Variants in ARID2 observed in about 807,000 individuals in gnomAD.
ARID2 encodes the protein AT-rich interactive domain-containing protein 2.
ARID2 carries 32 observed loss-of-function variants against 184.6 expected under a neutral mutation model. The observed-to-expected ratio is 0.17, with a 90% confidence interval of 0.13 to 0.23. The LOEUF is 0.23. Ranked by LOEUF, ARID2 falls within the 10% of genes least tolerant of loss-of-function variation. The pLI, the probability that ARID2 is intolerant of heterozygous loss-of-function variation, is 1.00. For missense variants in ARID2, 1,696 were observed against 2,197.6 expected, an observed-to-expected ratio of 0.77 and a Z score of 4.56; for synonymous variants, 836 against 772.6, an observed-to-expected ratio of 1.08 and a Z score of -1.36.
intron 3 of ARID2, among the ~76,000 whole-genome samples, chr12:45,806,852 T>C (rs1394352656): frequency 6.6e-6 from 1 of 152,220 alleles, no homozygotes; most frequent in African/African-American, 2.4e-5. Flanking sequence ...CCCTTGGTCT[T>C]TGGACTCATT....
intron 3 of ARID2, among the ~76,000 whole-genome samples, chr12:45,773,002 A>G (rs1941906257): frequency 6.6e-6 from 1 of 152,202 alleles, no homozygotes; most frequent in Non-Finnish European, 1.5e-5. Flanking sequence ...GAAACACCAT[A>G]TGCAACACTG....
In ARID2 at chr12:45,848,981, T is replaced by C. The variant is rs751880272; in HGVS notation, c.1715+11T>C. On this transcript the variant is annotated intron_variant, in intron 13 of 20. Coordinates refer to ENST00000334344, the MANE Select transcript of ARID2 (RefSeq NM_152641.4). ...TTATAAATGTCTTAGGTAGGATCCA[T>C]AGTTCTTTAAATAAAGTCCATTTAC... 4 of 1,605,812 alleles carry C rather than the reference T, an allele frequency of 2.5e-6. No homozygotes were observed. In the Admixed American group the frequency reaches 5.1e-5, roughly 20 times the overall value.
intron 5 of ARID2, 97 bp downstream of exon 5, chr12:45,817,985 G>C (rs1009960094): frequency 6.9e-6 from 6 of 872,230 alleles, no homozygotes; most frequent in Non-Finnish European, 1.0e-5. Context: ...CAACATAATA[G>C]CATTCTTTAT....
chr12:45,762,249 A>T (rs1941697693), intron 3 of ARID2, among the ~76,000 whole-genome samples: 1 of 152,164 alleles, frequency 6.6e-6, no homozygotes, highest in South Asian at 2.1e-4. Context: ...TAATCATAAA[A>T]TGCTGGTATA....
chr12:45,896,170 G>A (rs534121700), intron 20 of ARID2, among the ~76,000 whole-genome samples: 76 of 152,290 alleles, frequency 5.0e-4, no homozygotes, highest in Non-Finnish European at 7.5e-4. Flanking sequence ...GCTCTGCTGC[G>A]GAGATGGTCA....
chr12:45,828,681 A>G (rs748274853), intron 6 of ARID2, among the ~76,000 whole-genome samples: 75 of 152,030 alleles, frequency 4.9e-4, no homozygotes, highest in Non-Finnish European at 8.1e-4. Flanking sequence ...TTGTTACTGT[A>G]GCTTGGTTTT....
intron 15 of ARID2, among the ~76,000 whole-genome samples, chr12:45,860,471 G>A (rs1943724031): frequency 1.3e-5 from 2 of 151,548 alleles, no homozygotes; most frequent in South Asian, 4.2e-4. Context: ...AAATCCAATG[G>A]GTACATTTAT....
At chr12:45,775,723 G>A (rs1012887086) in intron 3 of ARID2, among the ~76,000 whole-genome samples, 5 of 152,126 alleles carry the variant, frequency 3.3e-5, no homozygotes, top group Non-Finnish European at 7.4e-5. Flanking sequence ...TAAAATAAAG[G>A]CATACTGTGT....
At chr12:45,781,313 A>G (rs915841694) in intron 3 of ARID2, among the ~76,000 whole-genome samples, 6 of 84,612 alleles carry the variant, frequency 7.1e-5, no homozygotes, top group South Asian at 8.1e-4. Flanking sequence ...TCTGCTTTCA[A>G]ACTCACTCAG....
At chr12:45,814,614 C>T (rs1183311119) in intron 4 of ARID2, among the ~76,000 whole-genome samples, 1 of 152,132 alleles carries the variant, frequency 6.6e-6, no homozygotes, top group Non-Finnish European at 1.5e-5. Flanking sequence ...CCACAGCACT[C>T]CAGTAGCCTA....
intron 3 of ARID2, among the ~76,000 whole-genome samples, chr12:45,766,993 A>C (rs897514940): frequency 6.6e-6 from 1 of 152,030 alleles, no homozygotes. Context: ...AACAACAACA[A>C]TAACAAACAT....
intron 15 of ARID2, among the ~76,000 whole-genome samples, chr12:45,856,601 A>G (rs1168306397): frequency 6.6e-6 from 1 of 152,186 alleles, no homozygotes; most frequent in African/African-American, 2.4e-5. Context: ...TGGAAAGAGC[A>G]CAGGGAAGTC....
At chr12:45,837,194 C>T in intron 8 of ARID2, 127 bp from the exon 9 acceptor site, 1 of 1,133,606 alleles carries the variant, frequency 8.8e-7, no homozygotes, top group Non-Finnish European at 1.2e-6. Context: ...TCAGAAATGG[C>T]TATTTTTACA....
chr12:45,793,091 G>A (rs1942322423), intron 3 of ARID2, among the ~76,000 whole-genome samples: 1 of 152,112 alleles, frequency 6.6e-6, no homozygotes, highest in African/African-American at 2.4e-5. Flanking sequence ...CTGAGGTCAG[G>A]AGTTCGAGAC....
At chr12:45,891,730 C>T (rs2138231544) in intron 16 of ARID2, 50 bp from the exon 17 acceptor site, 1 of 1,579,068 alleles carries the variant, frequency 6.3e-7, no homozygotes, top group Non-Finnish European at 8.6e-7. Context: ...GAAATAGTTT[C>T]AAAATATACT....
At chr12:45,856,710 T>C (rs1170247241) in intron 15 of ARID2, among the ~76,000 whole-genome samples, 1 of 152,182 alleles carries the variant, frequency 6.6e-6, no homozygotes, top group Non-Finnish European at 1.5e-5. Flanking sequence ...ATTAATCAGC[T>C]ATATTAATTT....
intron 3 of ARID2, among the ~76,000 whole-genome samples, chr12:45,751,429 A>G (rs7979218): frequency 0.96 from 146,846 of 152,296 alleles, 70,809 homozygotes; most frequent in East Asian, 1. Context: ...CCTCTGGAAG[A>G]TCTTTGCATC....
intron 6 of ARID2, among the ~76,000 whole-genome samples, chr12:45,831,251 A>C (rs1473940498): frequency 6.6e-6 from 1 of 152,182 alleles, no homozygotes; most frequent in Non-Finnish European, 1.5e-5. Context: ...TAATACATAC[A>C]ATTAAGACCA....
chr12:45,765,124 A>G (rs1301930256), intron 3 of ARID2, among the ~76,000 whole-genome samples: 5 of 152,148 alleles, frequency 3.3e-5, no homozygotes, highest in Middle Eastern at 3.2e-3. Flanking sequence ...TTTTTAATAT[A>G]TGTTTTTTTC....
Sources: gnomAD v4.1 joint callset for allele counts (sites outside exome capture counted in the v4.1 genomes callset) on GRCh38, gnomAD v4.1.1 for gene constraint, MANE v1.5 for transcripts, NCBI Gene and HGNC (gene_info 2026-07-23, HGNC 2026-07-21) for gene names.